ELL: variants seen among roughly 807,000 people sequenced by gnomAD.
ELL encodes elongation factor for RNA polymerase II.
ELL carries 18 observed loss-of-function variants against 64.0 expected under a neutral mutation model. The observed-to-expected ratio is 0.28, with a 90% CI of 0.19 to 0.42. The LOEUF (loss-of-function observed/expected upper bound fraction) is 0.42. ELL is among the 10% of genes least tolerant of loss of function. The pLI, the probability that ELL is intolerant of heterozygous loss-of-function variation, is 1.00. For synonymous variants in ELL, 399 were observed against 376.2 expected, an observed-to-expected ratio of 1.06 and a Z score of -0.70; for missense variants, 797 against 870.4, an observed-to-expected ratio of 0.92 and a Z score of 1.06.
intron 1 of ELL, among the ~76,000 whole-genome samples, chr19:18,476,764 AT>A (rs1206920541): frequency 6.6e-6 from 1 of 152,132 alleles, no homozygotes; most frequent in Non-Finnish European, 1.5e-5. Context: ...CTCACACTGT[AT>A]CCCCACCCTC....
At chr19:18,506,918 C>A (rs112872320) in intron 1 of ELL, among the ~76,000 whole-genome samples, 3 of 152,188 alleles carry the variant, frequency 2.0e-5, no homozygotes, top group African/African-American at 7.2e-5. Flanking sequence ...CTCAACACGG[C>A]TCCACTTCCT....
At chr19:18,462,387 A>AGGG (rs1974848258) in intron 4 of ELL, among the ~76,000 whole-genome samples, 2 of 56,410 alleles carry the variant, frequency 3.5e-5, no homozygotes, top group African/African-American at 1.6e-4. Context: ...CGGGGGGGGA[A>AGGG]GGATTGTTTT....
At chr19:18,482,685 T>TG (rs1369261722) in intron 1 of ELL, among the ~76,000 whole-genome samples, 4 of 152,116 alleles carry the variant, frequency 2.6e-5, no homozygotes, top group African/African-American at 4.8e-5. Context: ...TTAATTTTGA[T>TG]GGAGTGGAAT....
At chr19:18,504,114 G>A (rs988686889) in intron 1 of ELL, among the ~76,000 whole-genome samples, 4 of 152,236 alleles carry the variant, frequency 2.6e-5, no homozygotes, top group African/African-American at 9.6e-5. Context: ...GGGGTCAACT[G>A]TGCTGGCACC....
At chr19:18,519,038 C>A (rs2144985295) in intron 1 of ELL, among the ~76,000 whole-genome samples, 1 of 152,016 alleles carries the variant, frequency 6.6e-6, no homozygotes, top group South Asian at 2.1e-4. Context: ...CCCTGCCACA[C>A]CTGAATTTGT....
intron 4 of ELL, 94 bp downstream of exon 4, chr19:18,465,318 G>C (rs989648398): frequency 1.1e-4 from 169 of 1,472,672 alleles, no homozygotes; most frequent in Non-Finnish European, 1.4e-4. Flanking sequence ...TCTGTGCAGG[G>C]CACAGCCAGT....
At chr19:18,476,724 T>G (rs1382350090) in intron 1 of ELL, among the ~76,000 whole-genome samples, 2 of 152,124 alleles carry the variant, frequency 1.3e-5, no homozygotes, top group Non-Finnish European at 1.5e-5. Context: ...GAGGTGGCCG[T>G]CATCATGGCC....
At chr19:18,483,422 C>CG (rs1225560461) in intron 1 of ELL, among the ~76,000 whole-genome samples, 3 of 152,186 alleles carry the variant, frequency 2.0e-5, no homozygotes, top group Non-Finnish European at 4.4e-5. Flanking sequence ...TCCATTCCTG[C>CG]GTCATAGCTG....
At chr19:18,480,671 G>A (rs1975281452) in intron 1 of ELL, among the ~76,000 whole-genome samples, 2 of 152,166 alleles carry the variant, frequency 1.3e-5, no homozygotes, top group Admixed American at 1.3e-4. Context: ...CTCTCACTCT[G>A]TCACCCAGGC....
At chr19:18,484,031 C>T (rs114140546) in intron 1 of ELL, among the ~76,000 whole-genome samples, 1,704 of 152,326 alleles carry the variant, frequency 0.011, 37 homozygotes, top group African/African-American at 0.039. Context: ...AAGACGCTGT[C>T]GTATGTGGGC....
At chr19:18,515,472 A>G (rs1976108221) in intron 1 of ELL, among the ~76,000 whole-genome samples, 1 of 152,222 alleles carries the variant, frequency 6.6e-6, no homozygotes, top group Admixed American at 6.5e-5. Flanking sequence ...CTGCCTGGTG[A>G]TTCAGCCTCC....
At chr19:18,452,769 T>C (rs994473698) in intron 6 of ELL, among the ~76,000 whole-genome samples, 6 of 152,136 alleles carry the variant, frequency 3.9e-5, no homozygotes, top group Non-Finnish European at 8.8e-5. Flanking sequence ...GGGCCACAGC[T>C]GGACAACAGG....
chr19:18,456,883 C>T (rs1974689568), intron 6 of ELL, among the ~76,000 whole-genome samples: 1 of 151,970 alleles, frequency 6.6e-6, no homozygotes, highest in Non-Finnish European at 1.5e-5. Flanking sequence ...ACTCCAAGGC[C>T]CTGCTTTGAT....
intron 1 of ELL, among the ~76,000 whole-genome samples, chr19:18,506,426 T>A (rs1168669548): frequency 6.6e-6 from 1 of 152,238 alleles, no homozygotes; most frequent in Non-Finnish European, 1.5e-5. Context: ...GGGTGCAGCA[T>A]CAGCCCAGAC....
At chr19:18,466,000 A>G in intron 2 of ELL, 82 bp from the exon 3 acceptor site, 2 of 1,203,136 alleles carry the variant, frequency 1.7e-6, no homozygotes, top group Non-Finnish European at 2.1e-6. Context: ...ATGAGTCCCC[A>G]CAGTGCAACC....
rs747036725 is a variant in ELL at position 18,446,801 on chromosome 19, G to C, written c.1479C>G (p.Thr493=). 8 of 1,614,106 alleles carry C rather than the reference G, an allele frequency of 5.0e-6. No individual in the cohort carries two copies. In the Admixed American group the frequency reaches 1.3e-4, roughly 27 times the overall value. The change falls in exon 9 of 12, where the codon ACC becomes ACG. Residue 493 remains threonine, a synonymous_variant. Transcript: ENST00000262809. ...ACGTGGGAACACTGGAAACGCTGCA[G>C]GTTCCGTTTAAACCTACGAGAGCAA... is the stretch of plus-strand genomic sequence containing the variant. ...APADTPGLNG[T]CSVSSVPTST... is the part of the protein sequence containing the mutation.
At chr19:18,463,422 C>T (rs1974870962) in intron 4 of ELL, among the ~76,000 whole-genome samples, 1 of 150,340 alleles carries the variant, frequency 6.7e-6, no homozygotes, top group Non-Finnish European at 1.5e-5. Context: ...GCAACCTCCG[C>T]CTTCCAGGTT....
intron 1 of ELL, among the ~76,000 whole-genome samples, chr19:18,494,581 G>A (rs1034854404): frequency 1.3e-5 from 2 of 152,056 alleles, no homozygotes; most frequent in East Asian, 1.9e-4. Context: ...AGTAGAGACA[G>A]GGTTTTGCCG....
intron 2 of ELL, 70 bp downstream of exon 2, chr19:18,472,765 G>T: frequency 1.3e-6 from 2 of 1,535,372 alleles, no homozygotes; most frequent in Admixed American, 2.0e-5. Context: ...TGTACCCAGC[G>T]AGCAAGGACA....
Sources: gnomAD v4.1 joint callset for allele counts (sites outside exome capture counted in the v4.1 genomes callset) on GRCh38, gnomAD v4.1.1 for gene constraint, MANE v1.5 for transcripts, NCBI Gene and HGNC (gene_info 2026-07-23, HGNC 2026-07-21) for gene names.